Variants in CFAP99 observed in about 807,000 individuals in gnomAD.
The protein encoded by CFAP99 is cilia and flagella associated protein 99.
In CFAP99, 84 loss-of-function variants were observed where a neutral mutation model predicts 82.7. That is an observed-to-expected ratio of 1.02 (90% CI 0.85 to 1.22). CFAP99 has a LOEUF of 1.22. Ranked by LOEUF, CFAP99 falls within the 50% of genes most tolerant of loss-of-function variation. The pLI is 0.00. For synonymous variants in CFAP99, 456 were observed against 429.5 expected, an observed-to-expected ratio of 1.06 and a Z score of -0.76; for missense variants, 1,059 against 983.5, an observed-to-expected ratio of 1.08 and a Z score of -1.03.
intron 1 of CFAP99, among the ~76,000 whole-genome samples, chr4:2,424,812 G>A (rs889860178): frequency 5.3e-5 from 8 of 152,180 alleles, no homozygotes; most frequent in Admixed American, 1.3e-4. Flanking sequence ...TGCACTGAAC[G>A]TGTTCGGGGC....
intron 2 of CFAP99, 52 bp from the exon 3 acceptor site, chr4:2,436,822 G>T (rs908839214): frequency 2.6e-6 from 3 of 1,166,380 alleles, no homozygotes; most frequent in Admixed American, 2.2e-5. Flanking sequence ...CCCCACCGCC[G>T]CCCTTTCCTC....
chr4:2,456,747 G>C (rs1252725924), intron 11 of CFAP99, among the ~76,000 whole-genome samples: 1 of 151,128 alleles, frequency 6.6e-6, no homozygotes, highest in Admixed American at 6.6e-5. Context: ...TCGAACTCCC[G>C]ATCTCAGGTG....
chr4:2,424,514 G>C (rs1733646071), intron 1 of CFAP99, among the ~76,000 whole-genome samples: 1 of 152,302 alleles, frequency 6.6e-6, no homozygotes, highest in Middle Eastern at 3.4e-3. Flanking sequence ...CAGCAGGGAG[G>C]TGGGGACACA....
At chr4:2,441,351 C>G (rs376172651) in intron 4 of CFAP99, among the ~76,000 whole-genome samples, 1 of 138,002 alleles carries the variant, frequency 7.2e-6, no homozygotes, top group Admixed American at 7.9e-5. Context: ...CCAGCCTGGG[C>G]GACAGAGCGA....
chr4:2,421,723 G>A (rs905583312), intron 1 of CFAP99, among the ~76,000 whole-genome samples: 11 of 150,410 alleles, frequency 7.3e-5, no homozygotes, highest in African/African-American at 1.3e-4. Flanking sequence ...AAATCAATAT[G>A]AGAAAAAAAT....
chr4:2,450,124 G>A, intron 8 of CFAP99, 119 bp downstream of exon 8: 1 of 1,017,614 alleles, frequency 9.8e-7, no homozygotes, highest in Admixed American at 2.0e-5. Context: ...TGAGGGCCGG[G>A]GAGGGGCGGA....
intron 11 of CFAP99, among the ~76,000 whole-genome samples, chr4:2,454,593 T>TTTTTTTTTTTTTTTTTG (rs1734382512): frequency 9.0e-6 from 1 of 110,624 alleles, no homozygotes; most frequent in Admixed American, 1.0e-4. Context: ...TTTTTTTTTT[T>TTTTTTTTTTTTTTTTTG]GTTTTTTTTT....
intron 2 of CFAP99, chr4:2,427,772 G>A (rs931349150): frequency 6.6e-6 from 1 of 152,362 alleles, no homozygotes; most frequent in Non-Finnish European, 1.5e-5. Context: ...TCCTTCATTA[G>A]CTACCTCTGG....
At chr4:2,435,521 T>TA (rs1166119108) in intron 2 of CFAP99, among the ~76,000 whole-genome samples, 1 of 152,036 alleles carries the variant, frequency 6.6e-6, no homozygotes, top group Non-Finnish European at 1.5e-5. Context: ...GTTATCCCAA[T>TA]AAAAAAAGTT....
At chr4:2,458,365 A>AC (rs1429130760) in intron 11 of CFAP99, among the ~76,000 whole-genome samples, 1 of 151,948 alleles carries the variant, frequency 6.6e-6, no homozygotes, top group Admixed American at 6.6e-5. Context: ...CGTCCCCCCT[A>AC]CCCCGGGCCC....
At chr4:2,436,245 A>G (rs1560380495) in intron 2 of CFAP99, among the ~76,000 whole-genome samples, 1 of 152,070 alleles carries the variant, frequency 6.6e-6, no homozygotes, top group African/African-American at 2.4e-5. Context: ...ATGCACCACC[A>G]TACCCGGCTA....
exon 1 of CFAP99, chr4:2,419,016 G>T (rs1309860243): frequency 6.6e-6 from 1 of 152,152 alleles, no homozygotes; most frequent in Non-Finnish European, 1.5e-5. Context: ...CAACACCTTA[G>T]CCCCAGCTGG....
chr4:2,436,220 C>T (rs887716826), intron 2 of CFAP99, among the ~76,000 whole-genome samples: 1 of 152,088 alleles, frequency 6.6e-6, no homozygotes, highest in Non-Finnish European at 1.5e-5. Flanking sequence ...CATTGCCCCA[C>T]CTCGAACTCC....
At chr4:2,447,553 GTGGA>G (rs577774782) in intron 6 of CFAP99, among the ~76,000 whole-genome samples, 246 of 151,558 alleles carry the variant, frequency 1.6e-3, no homozygotes, top group African/African-American at 5.5e-3. Flanking sequence ...GAACAGATGG[GTGGA>G]TGGATGATGA....
At position 2,462,500 on chromosome 4, in the gene CFAP99, C is replaced by T. The variant is rs1322902942; in HGVS notation, c.1719C>T (p.Arg573=). Residue 573 remains arginine, a synonymous_variant, in exon 15 of 15, where the codon CGC becomes CGT. Coordinates refer to ENST00000635017, the Ensembl canonical transcript of CFAP99. The surrounding 1 kb of genome is among the most constrained non-coding windows in gnomAD (Gnocchi z 4.1). ...CGGCGGCGCCCTCGCAGGACGAGCG[C>T]GTGCAGCAGCTGCGGCGCAGGATCT... is the stretch of plus-strand genomic sequence containing the variant. 2 of 1,477,392 alleles carry T rather than the reference C, an allele frequency of 1.4e-6. No homozygotes were observed. The highest frequency in any genetic ancestry group is 3.0e-5 in the East Asian group (1 of 33,686). 91.5% of individuals were successfully genotyped at this position (1,477,392 alleles called of 1,614,324 possible). A position where few individuals can be genotyped will look rare whatever the true frequency, so the allele number is the denominator to read the frequency against.
At chr4:2,429,593 C>CTT (rs33954359) in intron 2 of CFAP99, among the ~76,000 whole-genome samples, 115 of 139,192 alleles carry the variant, frequency 8.3e-4, no homozygotes, top group African/African-American at 2.8e-3. Flanking sequence ...TTCTTTCTTT[C>CTT]TTTTTTTTTT....
intron 6 of CFAP99, among the ~76,000 whole-genome samples, chr4:2,449,169 A>G (rs1734243369): frequency 6.6e-6 from 1 of 151,970 alleles, no homozygotes; most frequent in Non-Finnish European, 1.5e-5. Context: ...AGCTCCGGCC[A>G]TATTATCGGA....
chr4:2,437,930 T>C, intron 3 of CFAP99, 140 bp from the exon 4 acceptor site: 3 of 575,988 alleles, frequency 5.2e-6, no homozygotes, highest in Non-Finnish European at 9.4e-6. Flanking sequence ...TCGCTTATCA[T>C]TTTCAGGTGG....
At chr4:2,442,514 A>G (rs1343684842) in intron 4 of CFAP99, among the ~76,000 whole-genome samples, 1 of 151,988 alleles carries the variant, frequency 6.6e-6, no homozygotes, top group African/African-American at 2.4e-5. Context: ...GGCACACAGA[A>G]GCCGCCATCC....
Sources: gnomAD v4.1 joint callset for allele counts (sites outside exome capture counted in the v4.1 genomes callset) on GRCh38, gnomAD v4.1.1 for gene constraint, Gnocchi (gnomAD v3.1) non-coding constraint, MANE v1.5 for transcripts, NCBI Gene and HGNC (gene_info 2026-07-23, HGNC 2026-07-21) for gene names.